KCNAB1: variants seen among roughly 807,000 people sequenced by gnomAD.
KCNAB1 encodes the protein potassium voltage-gated channel subfamily A regulatory beta subunit 1.
Under a neutral mutation model 64.6 loss-of-function variants are expected in KCNAB1, and 35 were observed. The ratio of observed to expected loss-of-function variants is 0.54; its 90% CI spans 0.41 to 0.72. The LOEUF (loss-of-function observed/expected upper bound fraction) is 0.72. KCNAB1 is among the 30% of genes least tolerant of loss of function. The pLI is 0.00. For synonymous variants in KCNAB1, 177 were observed against 183.8 expected (o/e 0.96, Z 0.30); for missense variants, 401 against 512.9 (o/e 0.78, Z 2.11).
At chr3:156,318,087 A>C (rs1229083120) in intron 1 of KCNAB1, among the ~76,000 whole-genome samples, 3 of 152,192 alleles carry the variant, frequency 2.0e-5, no homozygotes, top group African/African-American at 7.2e-5. Context: ...GGTAAAAGGA[A>C]CAGGAAGAAA....
chr3:156,158,167 AAAAAAAAATAAAAAAT>A lies in KCNAB1; in HGVS notation c.275+37285_275+37300del, dbSNP rs1209003679. Among the ~76,000 whole-genome samples, 104 of 73,802 alleles carry A rather than the reference AAAAAAAAATAAAAAAT, an allele frequency of 1.4e-3. 1 individual carries two copies. The highest frequency in any genetic ancestry group is 4.8e-3 in the African/African-American group (98 of 20,266). The allele number at this position is 73,802 out of a possible 152,430, so 48.4% of individuals were successfully genotyped here. A position where few individuals can be genotyped will look rare whatever the true frequency, so the allele number is the denominator to read the frequency against. The stretch of plus-strand genomic sequence containing the variant: ...GTGACAGAGCGAAACTCTGTCTCAA[AAAAAAAAATAAAAAAT>A]AAATAAATAAATAAATAAATAAATA... On this transcript the variant is annotated intron_variant, in intron 1 of 13. Transcript: ENST00000490337.
At chr3:156,402,604 T>A (rs1399518486) in intron 1 of KCNAB1, among the ~76,000 whole-genome samples, 1 of 152,238 alleles carries the variant, frequency 6.6e-6, no homozygotes, top group African/African-American at 2.4e-5. Flanking sequence ...GTTTTGTTTA[T>A]CTGATAAAGA....
chr3:156,315,332 A>T (rs2108014737), intron 1 of KCNAB1, among the ~76,000 whole-genome samples: 1 of 152,280 alleles, frequency 6.6e-6, no homozygotes, highest in Admixed American at 6.5e-5. Flanking sequence ...ACACTCAGGC[A>T]CTCAGGGGCT....
chr3:156,278,410 T>G (rs867479242), intron 1 of KCNAB1, among the ~76,000 whole-genome samples: 1 of 152,284 alleles, frequency 6.6e-6, no homozygotes, highest in Middle Eastern at 3.4e-3. Context: ...GAATAGTTAC[T>G]TTTGAGTCCA....
chr3:156,188,958 G>C (rs939091448), intron 1 of KCNAB1, among the ~76,000 whole-genome samples: 3 of 152,152 alleles, frequency 2.0e-5, no homozygotes, highest in African/African-American at 7.2e-5. Context: ...GACTGACCAT[G>C]CTTTGCCGCT....
chr3:156,221,412 T>C (rs1715723846), intron 1 of KCNAB1, among the ~76,000 whole-genome samples: 1 of 152,116 alleles, frequency 6.6e-6, no homozygotes, highest in Non-Finnish European at 1.5e-5. Flanking sequence ...GATTAACAGA[T>C]TTCTCAGCAG....
chr3:156,147,671 A>G (rs944675997), intron 1 of KCNAB1, among the ~76,000 whole-genome samples: 8 of 152,106 alleles, frequency 5.3e-5, no homozygotes, highest in Non-Finnish European at 7.4e-5. Context: ...CGGCAGGGAG[A>G]AGGCTATAAA....
chr3:156,493,824 A>G (rs1014374461), intron 8 of KCNAB1, among the ~76,000 whole-genome samples: 7 of 152,130 alleles, frequency 4.6e-5, no homozygotes. Flanking sequence ...AATTCAGATT[A>G]AGCACTTTTG....
chr3:156,178,772 C>T (rs949552863), intron 1 of KCNAB1, among the ~76,000 whole-genome samples: 2 of 151,936 alleles, frequency 1.3e-5, no homozygotes, highest in East Asian at 1.9e-4. Context: ...GAGGCCGAGA[C>T]GGGCGGATCA....
intron 1 of KCNAB1, among the ~76,000 whole-genome samples, chr3:156,178,862 G>T (rs1178536307): frequency 3.3e-5 from 5 of 151,892 alleles, no homozygotes; most frequent in Non-Finnish European, 7.4e-5. Context: ...TTAGCCGGGC[G>T]TGTTGGCGGG....
chr3:156,430,248 T>G (rs941673203), intron 2 of KCNAB1, among the ~76,000 whole-genome samples: 1 of 152,174 alleles, frequency 6.6e-6, no homozygotes, highest in Non-Finnish European at 1.5e-5. Context: ...CTGTCAGAGT[T>G]GAGGCTTAGG....
In KCNAB1 at chr3:156,457,545, C is replaced by T. The variant is rs1046382975; in HGVS notation, c.437+13C>T. 1 of 1,607,926 alleles carries T rather than the reference C, an allele frequency of 6.2e-7. No individual in the cohort carries two copies. Among genetic ancestry groups the T allele is most frequent in the South Asian group, 1.1e-5 (1 of 90,920 alleles). On this transcript the variant is annotated intron_variant, in intron 4 of 13. Coordinates refer to ENST00000490337, the MANE Select transcript of KCNAB1 (RefSeq NM_172160.3). ...ATGCTGCTGGAAAGTAAGTCAGTAC[C>T]TGTTTGTGTCACTCAAATGGCATCT...
chr3:156,413,933 C>T (rs1232645053), intron 1 of KCNAB1, among the ~76,000 whole-genome samples: 1 of 152,174 alleles, frequency 6.6e-6, no homozygotes, highest in Non-Finnish European at 1.5e-5. Flanking sequence ...ATGTAAAAGA[C>T]ATGGCACATA....
intron 1 of KCNAB1, among the ~76,000 whole-genome samples, chr3:156,261,467 T>C (rs1369011399): frequency 6.6e-6 from 1 of 152,010 alleles, no homozygotes; most frequent in Non-Finnish European, 1.5e-5. Flanking sequence ...GGATATCCAA[T>C]TGTCCTAGCA....
chr3:156,166,672 C>T (rs1220646756), intron 1 of KCNAB1, among the ~76,000 whole-genome samples: 1 of 152,130 alleles, frequency 6.6e-6, no homozygotes, highest in East Asian at 1.9e-4. Context: ...CATTTGCTAG[C>T]TGTTTGCAAA....
intron 1 of KCNAB1, among the ~76,000 whole-genome samples, chr3:156,386,101 TA>T (rs1576801751): frequency 6.6e-6 from 1 of 152,204 alleles, no homozygotes; most frequent in Non-Finnish European, 1.5e-5. Context: ...CAAAGGGGCA[TA>T]AGGCAGAAAA....
intron 1 of KCNAB1, among the ~76,000 whole-genome samples, chr3:156,194,476 G>T (rs903809529): frequency 2.0e-5 from 3 of 151,660 alleles, no homozygotes; most frequent in Non-Finnish European, 2.9e-5. Context: ...TAATGTGTTT[G>T]TTCCCTTTGG....
intron 1 of KCNAB1, among the ~76,000 whole-genome samples, chr3:156,285,527 G>C (rs1720052034): frequency 6.6e-6 from 1 of 151,784 alleles, no homozygotes; most frequent in Admixed American, 6.6e-5. Context: ...GGGATGGGGG[G>C]GTCTCACTTT....
At chr3:156,497,297 A>G (rs1300111456) in intron 8 of KCNAB1, among the ~76,000 whole-genome samples, 2 of 152,038 alleles carry the variant, frequency 1.3e-5, no homozygotes, top group Non-Finnish European at 2.9e-5. Context: ...TGGCACAACC[A>G]GGAAGGAAGG....
Sources: allele counts gnomAD v4.1 joint callset (sites outside exome capture counted in the v4.1 genomes callset), GRCh38; gene constraint gnomAD v4.1.1; transcripts MANE v1.5; gene names NCBI Gene and HGNC (gene_info 2026-07-23, HGNC 2026-07-21).